ERC2: variants seen among roughly 807,000 people sequenced by gnomAD.
The protein encoded by ERC2 is ELKS/RAB6-interacting/CAST family member 2.
In ERC2, 42 loss-of-function variants were observed where a neutral mutation model predicts 114.8. The observed-to-expected ratio is 0.37, with a 90% CI of 0.29 to 0.47. The LOEUF (loss-of-function observed/expected upper bound fraction) is 0.47. Among genes scored for constraint, ERC2 ranks in the 20% least tolerant of loss-of-function variants. The pLI, the probability that ERC2 is intolerant of heterozygous loss-of-function variation, is 0.99. For missense variants in ERC2, 939 were observed against 1,150.7 expected (o/e 0.82, Z 2.66); for synonymous variants, 454 against 425.5 (o/e 1.07, Z -0.82).
intron 12 of ERC2, among the ~76,000 whole-genome samples, chr3:55,973,980 C>CT (rs1404181897): frequency 2.0e-5 from 3 of 152,086 alleles, no homozygotes; most frequent in Non-Finnish European, 1.5e-5. Context: ...AGTAAGATGT[C>CT]TATCAGAGAT....
chr3:55,562,812 AT>A (rs1042771455), intron 17 of ERC2, among the ~76,000 whole-genome samples: 11 of 152,014 alleles, frequency 7.2e-5, no homozygotes, highest in East Asian at 5.8e-4. Context: ...CTGTGTTTAA[AT>A]TTTTTTGTTG....
chr3:55,737,968 G>A (rs2065744421), intron 14 of ERC2, among the ~76,000 whole-genome samples: 1 of 152,110 alleles, frequency 6.6e-6, no homozygotes, highest in South Asian at 2.1e-4. Context: ...CTAATCTCAG[G>A]GTTGCCCTCC....
intron 3 of ERC2, among the ~76,000 whole-genome samples, chr3:56,252,076 T>A (rs1020521466): frequency 2.0e-5 from 3 of 152,158 alleles, no homozygotes; most frequent in Non-Finnish European, 4.4e-5. Flanking sequence ...GGAGGGAGGC[T>A]GTAAGGTGCT....
At chr3:56,272,575 G>C (rs748188790) in intron 3 of ERC2, among the ~76,000 whole-genome samples, 2 of 152,188 alleles carry the variant, frequency 1.3e-5, no homozygotes, top group Non-Finnish European at 2.9e-5. Flanking sequence ...TTCAAGACCA[G>C]CCTGGCCAAC....
chr3:55,899,300 T>C lies in ERC2; in HGVS notation c.2404-10751A>G, dbSNP rs528703366. ...TTTCTGGATTTATTCTAAGGATATA[T>C]AATAAGGGATTTTCCCAGACGAATT... On this transcript the variant is annotated intron_variant, in intron 13 of 17. Transcript: ENST00000288221. Among the ~76,000 whole-genome samples, 15 of 152,324 alleles carry C rather than the reference T, an allele frequency of 9.8e-5. 1 individual carries two copies. In the South Asian group the frequency reaches 1.7e-3, roughly 17 times the overall value.
intron 10 of ERC2, among the ~76,000 whole-genome samples, 171 bp downstream of exon 10, chr3:56,007,010 G>T (rs561333623): frequency 2.6e-4 from 39 of 152,126 alleles, no homozygotes; most frequent in African/African-American, 9.2e-4. Context: ...CAGGTTTACA[G>T]ACAGATTTGA....
At chr3:55,899,965 C>G (rs11130485) in intron 13 of ERC2, among the ~76,000 whole-genome samples, 52,665 of 152,072 alleles carry the variant, frequency 0.35, 11,312 homozygotes, top group African/African-American at 0.6. Flanking sequence ...CTCTAAAGGA[C>G]AGGTATGAAG....
intron 2 of ERC2, among the ~76,000 whole-genome samples, chr3:56,387,333 C>T (rs2059968865): frequency 6.6e-6 from 1 of 152,154 alleles, no homozygotes; most frequent in African/African-American, 2.4e-5. Context: ...TCTAATTCTG[C>T]ATAATCCTCA....
chr3:55,526,098 G>T (rs1459615890), intron 17 of ERC2, among the ~76,000 whole-genome samples: 1 of 152,102 alleles, frequency 6.6e-6, no homozygotes, highest in African/African-American at 2.4e-5. Context: ...AGGCCATGGG[G>T]TGATGGAAGC....
At chr3:56,333,784 A>C (rs894677574) in intron 2 of ERC2, among the ~76,000 whole-genome samples, 2 of 152,196 alleles carry the variant, frequency 1.3e-5, no homozygotes, top group Non-Finnish European at 2.9e-5. Context: ...ATTGACTTGC[A>C]ATATCTATAA....
chr3:56,068,358 T>C (rs2076576257), intron 7 of ERC2, among the ~76,000 whole-genome samples: 1 of 152,230 alleles, frequency 6.6e-6, no homozygotes, highest in South Asian at 2.1e-4. Context: ...GATGGTAGTT[T>C]GTATTTCTGT....
intron 17 of ERC2, chr3:55,613,204 A>C (rs1417924405): frequency 6.6e-6 from 1 of 152,242 alleles, no homozygotes; most frequent in African/African-American, 2.4e-5. Context: ...TAAGCTACAG[A>C]GACAGCCTGA....
chr3:56,194,420 T>C (rs1311517420), intron 3 of ERC2, among the ~76,000 whole-genome samples: 2 of 152,168 alleles, frequency 1.3e-5, no homozygotes, highest in African/African-American at 4.8e-5. Context: ...GGCACCACTG[T>C]ACTCTACAGC....
rs954604191 is a variant in ERC2 at position 55,565,304 on chromosome 3, T to G, written c.*40-54028A>C. Among the ~76,000 whole-genome samples the G allele has an allele frequency of 3.9e-5, 6 of 152,334 alleles. No homozygotes were observed. In the East Asian group the frequency reaches 1.2e-3, roughly 29 times the overall value. On this transcript the variant is annotated intron_variant, in intron 17 of 17. Transcript: ENST00000288221. Reference sequence around the variant, plus strand: ...ATAAATATTAGAAACAAATGGATATTGAATAAAATAGGTATTTCATAATAA... The same window carrying G: ...ATAAATATTAGAAACAAATGGATATGGAATAAAATAGGTATTTCATAATAA...
chr3:56,335,790 T>C (rs1476229526), intron 2 of ERC2, among the ~76,000 whole-genome samples: 1 of 152,182 alleles, frequency 6.6e-6, no homozygotes, highest in Non-Finnish European at 1.5e-5. Context: ...ACTGTGTCTC[T>C]ACTCTGCTGT....
chr3:55,533,603 G>A (rs1428395268), intron 17 of ERC2, among the ~76,000 whole-genome samples: 2 of 152,206 alleles, frequency 1.3e-5, no homozygotes, highest in East Asian at 1.9e-4. Context: ...GGTGAGAAAG[G>A]AAGGTGATGG....
chr3:56,201,275 T>A (rs982567908), intron 3 of ERC2, among the ~76,000 whole-genome samples: 1 of 152,184 alleles, frequency 6.6e-6, no homozygotes, highest in Non-Finnish European at 1.5e-5. Flanking sequence ...CTCCTCTGTA[T>A]CCCTTCTGTG....
chr3:55,765,003 A>G (rs2067680461), intron 14 of ERC2, among the ~76,000 whole-genome samples: 1 of 152,116 alleles, frequency 6.6e-6, no homozygotes, highest in African/African-American at 2.4e-5. Flanking sequence ...AACTTTATCA[A>G]TTTCAAGAGT....
intron 3 of ERC2, among the ~76,000 whole-genome samples, chr3:56,255,574 G>A (rs894449297): frequency 2.6e-5 from 4 of 152,158 alleles, no homozygotes. Context: ...TCCTCCTGAG[G>A]AATATACAGC....
Sources: allele counts gnomAD v4.1 joint callset (sites outside exome capture counted in the v4.1 genomes callset), GRCh38; gene constraint gnomAD v4.1.1; transcripts MANE v1.5; gene names NCBI Gene and HGNC (gene_info 2026-07-23, HGNC 2026-07-21).